FHIT: variants seen among roughly 807,000 people sequenced by gnomAD.
The protein encoded by FHIT is bis(5'-adenosyl)-triphosphatase.
In FHIT, 19 loss-of-function variants were observed where a neutral mutation model predicts 17.9. That is an observed-to-expected ratio of 1.06 (90% CI 0.74 to 1.56). FHIT has a LOEUF of 1.56. Among genes scored for constraint, FHIT ranks in the 40% most tolerant of loss-of-function variants. The pLI is 0.00. For synonymous variants in FHIT, 81 were observed against 69.7 expected, an observed-to-expected ratio of 1.16 and a Z score of -0.81; for missense variants, 248 against 189.2, an observed-to-expected ratio of 1.31 and a Z score of -1.82.
rs556506688 is a variant in FHIT at position 60,939,223 on chromosome 3, T to C, written c.-111+102824A>G. The stretch of plus-strand genomic sequence containing the variant: ...TACTCGGTAATACCATAATTGATTC[T>C]CTTGCACGCACTTGTTTACCAAAAC... On this transcript the variant is annotated intron_variant, in intron 3 of 9. Transcript: ENST00000492590. Among the ~76,000 whole-genome samples the C allele has an allele frequency of 2.6e-5, 4 of 152,344 alleles. No homozygotes were observed. In the South Asian group the frequency reaches 8.3e-4, roughly 32 times the overall value.
intron 5 of FHIT, among the ~76,000 whole-genome samples, chr3:60,314,437 C>A (rs1278769849): frequency 6.6e-6 from 1 of 152,044 alleles, no homozygotes; most frequent in Admixed American, 6.6e-5. Context: ...ACTCAAAGCC[C>A]AGAAACTTCA....
intron 5 of FHIT, among the ~76,000 whole-genome samples, chr3:60,175,479 T>C (rs999176479): frequency 6.6e-6 from 1 of 151,934 alleles, no homozygotes; most frequent in Non-Finnish European, 1.5e-5. Flanking sequence ...AGACAAAAGA[T>C]ATAGGGTAGG....
intron 8 of FHIT, among the ~76,000 whole-genome samples, chr3:59,823,782 C>T (rs1010119974): frequency 5.9e-5 from 9 of 152,030 alleles, no homozygotes; most frequent in Non-Finnish European, 1.0e-4. Flanking sequence ...CTCTGAGAAA[C>T]GGAACAAGAC....
chr3:60,334,050 T>C (rs1276768550), intron 5 of FHIT, among the ~76,000 whole-genome samples: 4 of 152,224 alleles, frequency 2.6e-5, no homozygotes, highest in Non-Finnish European at 4.4e-5. Context: ...TCTCCTCAGT[T>C]ACAGCATGTG....
At chr3:60,201,543 A>C (rs1410272789) in intron 5 of FHIT, among the ~76,000 whole-genome samples, 2 of 152,124 alleles carry the variant, frequency 1.3e-5, no homozygotes, top group Admixed American at 6.5e-5. Flanking sequence ...CCTACCCCCC[A>C]AAAAACCCTT....
chr3:60,871,850 A>G (rs1575624626), intron 3 of FHIT, among the ~76,000 whole-genome samples: 1 of 151,946 alleles, frequency 6.6e-6, no homozygotes, highest in Middle Eastern at 3.4e-3. Flanking sequence ...TTTTGTAGAG[A>G]CGAGGTCTTG....
intron 3 of FHIT, among the ~76,000 whole-genome samples, chr3:60,847,783 T>C (rs984477832): frequency 1.8e-4 from 27 of 152,160 alleles, no homozygotes; most frequent in Admixed American, 1.1e-3. Flanking sequence ...GAAAGTCAAA[T>C]GAATTTTCCT....
intron 4 of FHIT, among the ~76,000 whole-genome samples, chr3:60,560,458 G>A (rs145215482): frequency 1.5e-4 from 23 of 152,174 alleles, no homozygotes; most frequent in African/African-American, 4.8e-4. Flanking sequence ...ATGGCTACTA[G>A]GCAGTTCCCA....
chr3:60,537,832 C>G (rs1474368360), intron 4 of FHIT, among the ~76,000 whole-genome samples: 4 of 152,146 alleles, frequency 2.6e-5, no homozygotes, highest in Non-Finnish European at 5.9e-5. Flanking sequence ...TAAGAAACAC[C>G]ATCCCTAGAA....
intron 5 of FHIT, among the ~76,000 whole-genome samples, chr3:60,517,355 C>A (rs937911636): frequency 2.0e-5 from 3 of 152,166 alleles, no homozygotes; most frequent in African/African-American, 7.2e-5. Flanking sequence ...TCCTACTATA[C>A]CTTTCACATA....
intron 5 of FHIT, among the ~76,000 whole-genome samples, chr3:60,406,045 G>C (rs567266515): frequency 6.6e-6 from 1 of 152,298 alleles, no homozygotes; most frequent in African/African-American, 2.4e-5. Flanking sequence ...GATATTTGTA[G>C]TAATCATTAT....
At chr3:60,588,176 C>T (rs1393899711) in intron 4 of FHIT, among the ~76,000 whole-genome samples, 1 of 152,016 alleles carries the variant, frequency 6.6e-6, no homozygotes, top group Non-Finnish European at 1.5e-5. Flanking sequence ...GGTCTCATTA[C>T]AAGCTGAGCA....
At chr3:60,816,225 T>C (rs1553737665) in intron 4 of FHIT, among the ~76,000 whole-genome samples, 2 of 152,048 alleles carry the variant, frequency 1.3e-5, no homozygotes, top group Non-Finnish European at 2.9e-5. Context: ...TTAAGATGCA[T>C]TTTATTTCTT....
Position 60,848,287 on chromosome 3 carries a change from G to C in FHIT, c.-110-26276C>G, listed in dbSNP as rs141504574. Among the ~76,000 whole-genome samples the C allele has an allele frequency of 5.9e-5, 9 of 152,044 alleles. No individual in the cohort carries two copies. In the South Asian group the frequency reaches 1.3e-3, roughly 21 times the overall value. On this transcript the variant is annotated intron_variant, in intron 3 of 9. Coordinates refer to ENST00000492590, the MANE Select transcript of FHIT (RefSeq NM_002012.4). ...AGCACAGTTCTTCTACATTTACAGG[G>C]GTTTTCATTTAGAAACTATTGAGAA...
chr3:60,357,802 G>A (rs535483213), intron 5 of FHIT, among the ~76,000 whole-genome samples: 4 of 136,034 alleles, frequency 2.9e-5, no homozygotes, highest in Admixed American at 1.6e-4. Context: ...TTTTCACAAC[G>A]CTTAATCACA....
intron 2 of FHIT, among the ~76,000 whole-genome samples, chr3:61,053,657 G>T (rs754749741): frequency 9.1e-6 from 1 of 110,234 alleles, no homozygotes; most frequent in Non-Finnish European, 2.2e-5. Context: ...GCAAAACTCC[G>T]TCTCAAGAAA....
intron 8 of FHIT, among the ~76,000 whole-genome samples, chr3:59,765,691 C>G (rs1241667093): frequency 6.6e-6 from 1 of 152,146 alleles, no homozygotes; most frequent in African/African-American, 2.4e-5. Context: ...TTTAGCATTA[C>G]CTCCTAAAGT....
chr3:60,019,415 C>CCTTTTTTTTTTTTTTTTTTTTTTT (rs1369483172), intron 5 of FHIT, among the ~76,000 whole-genome samples: 2 of 121,094 alleles, frequency 1.7e-5, no homozygotes, highest in African/African-American at 3.1e-5. Context: ...TGAGATGCTC[C>CCTTTTTTTTTTTTTTTTTTTTTTT]TTTTTTTTTT....
Position 60,739,849 on chromosome 3 carries a change from A to T in FHIT, c.-18+82070T>A, listed in dbSNP as rs116937279. ...ATAGATACCTTCATTATCACTGGAAATTCATCAAGACAAAAATTTTACTGA... is the reference window on the plus strand; with the variant it reads ...ATAGATACCTTCATTATCACTGGAATTTCATCAAGACAAAAATTTTACTGA... On this transcript the variant is annotated intron_variant, in intron 4 of 9. Coordinates refer to ENST00000492590, the MANE Select transcript of FHIT (RefSeq NM_002012.4). Among the ~76,000 whole-genome samples the T allele has an allele frequency of 9.3e-4, 141 of 152,284 alleles. No individual in the cohort carries two copies. The East Asian group carries it at 0.026, about 28-fold the overall frequency.
Sources: gnomAD v4.1 joint callset for allele counts (sites outside exome capture counted in the v4.1 genomes callset) on GRCh38, gnomAD v4.1.1 for gene constraint, MANE v1.5 for transcripts, NCBI Gene and HGNC (gene_info 2026-07-23, HGNC 2026-07-21) for gene names.